ETV5: variants seen among roughly 807,000 people sequenced by gnomAD.
The protein encoded by ETV5 is ETS translocation variant 5.
Under a neutral mutation model 70.0 loss-of-function variants are expected in ETV5, and 10 were observed. The ratio of observed to expected loss-of-function variants is 0.14; its 90% CI spans 0.09 to 0.24. The LOEUF is 0.24. Among genes scored for constraint, ETV5 ranks in the 10% least tolerant of loss-of-function variants. ETV5 has a pLI of 1.00. For missense variants in ETV5, 453 were observed against 651.2 expected (o/e 0.70, Z 3.31); for synonymous variants, 216 against 242.2 (o/e 0.89, Z 1.01).
At position 186,054,578 on chromosome 3, in the gene ETV5, G is replaced by A. The variant is rs1189010927; in HGVS notation, c.1210-2447C>T. ...CAAAAGACATTTGATTAGGGGGCCT[G>A]CCAAAACGCAGTTCTAAAACCACAA... On this transcript the variant is annotated intron_variant, in intron 11 of 12. Transcript: ENST00000306376. The surrounding 1 kb of genome is among the most constrained non-coding windows in gnomAD (Gnocchi z 4.4). 6.6e-6 allele frequency among the ~76,000 whole-genome samples: 1 copy of A among 152,192 alleles called. No homozygotes were observed. Among genetic ancestry groups the A allele is most frequent in the African/African-American group, 2.4e-5 (1 of 41,432 alleles).
rs767004378 is a variant in ETV5, at chr3:186,057,047, C to G, written c.1209+28G>C. ...ATCATCAACAACAACAAATCAAAAC[C>G]CGTCTGAGTCCAGCATCCAGTGCAT... On this transcript the variant is annotated intron_variant, in intron 11 of 12. Transcript: ENST00000306376. This position sits in a 1 kb window ranked among gnomAD's most constrained non-coding sequence, Gnocchi z 4.9. 11 of 1,595,214 alleles carry G rather than the reference C, an allele frequency of 6.9e-6. No homozygotes were observed. The highest frequency in any genetic ancestry group is 1.3e-5 in the African/African-American group (1 of 74,304).
intron 9 of ETV5, 28 bp downstream of exon 9, chr3:186,064,389 G>C (rs771305420): frequency 1.9e-6 from 3 of 1,594,148 alleles, no homozygotes; most frequent in Admixed American, 3.3e-5. Flanking sequence ...AGAGAGGAGA[G>C]AAGAGGAAAG....
intron 7 of ETV5, among the ~76,000 whole-genome samples, chr3:186,073,429 A>C (rs1158300781): frequency 6.6e-6 from 1 of 152,210 alleles, no homozygotes; most frequent in Non-Finnish European, 1.5e-5. Flanking sequence ...CGAAGAAACG[A>C]AAGTTTGGAG....
intron 1 of ETV5, among the ~76,000 whole-genome samples, chr3:186,107,852 A>G (rs921265941): frequency 1.3e-5 from 2 of 151,740 alleles, no homozygotes; most frequent in Admixed American, 6.6e-5. Context: ...AACAAGACAC[A>G]CTTCCACCCA....
chr3:186,074,859 C>CAAAAAAAAAAAAAAA (rs747453303), intron 7 of ETV5, among the ~76,000 whole-genome samples: 4 of 76,474 alleles, frequency 5.2e-5, no homozygotes, highest in Non-Finnish European at 8.3e-5. Context: ...ACTCTGTCTC[C>CAAAAAAAAAAAAAAA]AAAAAAAAAA....
At chr3:186,063,322 T>C (rs114687788) in intron 9 of ETV5, among the ~76,000 whole-genome samples, 35 of 152,232 alleles carry the variant, frequency 2.3e-4, no homozygotes, top group African/African-American at 8.2e-4. Flanking sequence ...TCCAAGAAAC[T>C]GACATTCTAG....
chr3:186,070,811 A>G (rs1353033206), intron 7 of ETV5, among the ~76,000 whole-genome samples: 1 of 152,204 alleles, frequency 6.6e-6, no homozygotes, highest in Non-Finnish European at 1.5e-5. Context: ...CCTCTAATTT[A>G]CCAAGGCAGG....
intron 7 of ETV5, among the ~76,000 whole-genome samples, chr3:186,076,828 T>C (rs1314564979): frequency 6.6e-6 from 1 of 152,154 alleles, no homozygotes; most frequent in African/African-American, 2.4e-5. Flanking sequence ...TGGGTTTGGA[T>C]TAAATGATGT....
At chr3:186,064,527 G>A in intron 8 of ETV5, 51 bp from the exon 9 acceptor site, 1 of 1,565,420 alleles carries the variant, frequency 6.4e-7, no homozygotes, top group Non-Finnish European at 8.8e-7. Context: ...TTCTGCAGCA[G>A]AAACAGCACA....
chr3:186,082,714 C>T (rs752288112), intron 5 of ETV5, among the ~76,000 whole-genome samples: 9 of 152,212 alleles, frequency 5.9e-5, no homozygotes, highest in Non-Finnish European at 1.2e-4. Flanking sequence ...CCACCGCACT[C>T]GGCCTAAACA....
chr3:186,079,087 C>T (rs1324290288), intron 7 of ETV5: 1 of 1,064,712 alleles, frequency 9.4e-7, no homozygotes, highest in African/African-American at 1.6e-5. Flanking sequence ...CCCCCTATCC[C>T]AGAGAAACTT....
At chr3:186,106,590 C>G (rs1714594031) in intron 1 of ETV5, among the ~76,000 whole-genome samples, 1 of 152,202 alleles carries the variant, frequency 6.6e-6, no homozygotes, top group Non-Finnish European at 1.5e-5. Context: ...TTTGTGACAT[C>G]TCCAACTTCT....
intron 7 of ETV5, among the ~76,000 whole-genome samples, chr3:186,073,769 T>C (rs1320158918): frequency 1.3e-5 from 2 of 152,178 alleles, no homozygotes; most frequent in African/African-American, 4.8e-5. Flanking sequence ...TAACTGATTG[T>C]CCAAACCAGG....
intron 5 of ETV5, among the ~76,000 whole-genome samples, chr3:186,092,528 A>T (rs1714205633): frequency 2.0e-5 from 3 of 151,856 alleles, no homozygotes; most frequent in Non-Finnish European, 4.4e-5. Flanking sequence ...CAACTTCTGG[A>T]CTCAAGCGAG....
At chr3:186,064,161 G>C (rs1162996284) in intron 9 of ETV5, 2 of 520,802 alleles carry the variant, frequency 3.8e-6, no homozygotes, top group Non-Finnish European at 6.9e-6. Context: ...GCCCTCACAG[G>C]GCTTAGGGGC....
chr3:186,107,675 G>A (rs1317614014), intron 1 of ETV5, among the ~76,000 whole-genome samples: 1 of 150,406 alleles, frequency 6.6e-6, no homozygotes. Flanking sequence ...CCCACCACCC[G>A]CGCCCCGGGC....
intron 5 of ETV5, among the ~76,000 whole-genome samples, chr3:186,092,296 T>G (rs2150152602): frequency 6.6e-6 from 1 of 152,248 alleles, no homozygotes; most frequent in Non-Finnish European, 1.5e-5. Flanking sequence ...ACTTTGAAAA[T>G]GTATAAATAG....
At position 186,061,470 on chromosome 3, in the gene ETV5, A is replaced by G. The variant is rs550603414; in HGVS notation, c.970+2947T>C. Among the ~76,000 whole-genome samples the G allele has an allele frequency of 2.1e-3, 319 of 152,342 alleles. 1 individual carries two copies. Among genetic ancestry groups the G allele is most frequent in the African/African-American group, 7.4e-3 (306 of 41,578 alleles). On this transcript the variant is annotated intron_variant, in intron 9 of 12. Transcript: ENST00000306376. ...GCCCCACCGCTGGGGGTTCTGATTCAGTAGGCCTGGGATGGGTCCTGAGAA... is the reference window on the plus strand; with the variant it reads ...GCCCCACCGCTGGGGGTTCTGATTCGGTAGGCCTGGGATGGGTCCTGAGAA...
intron 5 of ETV5, among the ~76,000 whole-genome samples, chr3:186,102,169 GAAA>G (rs983449827): frequency 7.1e-6 from 1 of 140,556 alleles, no homozygotes; most frequent in African/African-American, 2.6e-5. Context: ...AGTGTTTAGA[GAAA>G]AAAAAAAGCC....
Sources: gnomAD v4.1 joint callset for allele counts (sites outside exome capture counted in the v4.1 genomes callset) on GRCh38, gnomAD v4.1.1 for gene constraint, Gnocchi (gnomAD v3.1) non-coding constraint, MANE v1.5 for transcripts, NCBI Gene and HGNC (gene_info 2026-07-23, HGNC 2026-07-21) for gene names.